The following HDHD5 variants were observed in gnomAD, a reference collection of about 807,000 sequenced individuals.
HDHD5 encodes haloacid dehalogenase like hydrolase domain containing 5.
A neutral mutation model predicts 35.5 loss-of-function variants in HDHD5; 34 were observed. The ratio of observed to expected loss-of-function variants is 0.96; its 90% confidence interval spans 0.73 to 1.28. HDHD5 has a LOEUF of 1.28. HDHD5 is among the 50% of genes most tolerant of loss of function. The pLI, the probability that HDHD5 is intolerant of heterozygous loss-of-function variation, is 0.00. For missense variants in HDHD5, 589 were observed against 560.2 expected (o/e 1.05, Z -0.52); for synonymous variants, 248 against 240.6 (o/e 1.03, Z -0.29).
At chr22:17,143,400 T>C in intron 4 of HDHD5, 1 of 415,050 alleles carries the variant, frequency 2.4e-6, no homozygotes, top group Non-Finnish European at 4.3e-6. Flanking sequence ...CTTTCTCTGG[T>C]GGGAGAGGAC....
At chr22:17,138,883 C>G (rs2061567235) in intron 6 of HDHD5, 145 bp from the exon 7 acceptor site, 1 of 777,724 alleles carries the variant, frequency 1.3e-6, no homozygotes, top group Non-Finnish European at 2.1e-6. Context: ...ACTGTGCAGG[C>G]ACTGGAGGCA....
chr22:17,144,723 AATT>A (rs2061640603), intron 4 of HDHD5, among the ~76,000 whole-genome samples: 1 of 148,766 alleles, frequency 6.7e-6, no homozygotes, highest in African/African-American at 2.5e-5. Context: ...CAATTTTTTA[AATT>A]TTTTTGTAGA....
In HDHD5 at chr22:17,149,670, G is replaced by C. The variant is rs754910177; in HGVS notation, c.202C>G (p.Leu68Val). The change falls in exon 2 of 8, where the codon CTG (leucine) becomes GTG (valine). Residue 68 changes from leucine (L) to valine (V), a missense_variant. Physicochemically the swap from Leu to Val is conservative, Grantham distance 32 (BLOSUM62 1). Coordinates refer to ENST00000336737, the MANE Select transcript of HDHD5 (RefSeq NM_033070.3). ...VRGHRVIPAA[L>V]KAFRRLVNSQ... ...TTCACCAGCCTTCGGAAGGCTTTCA[G>C]AGCAGCAGGGATCACTCTGTGGCCC... The C allele has an allele frequency of 6.2e-7, 1 of 1,614,000 alleles. No homozygotes were observed. The highest frequency in any genetic ancestry group is 2.2e-5 in the East Asian group (1 of 44,886).
chr22:17,150,262 C>G (rs2123867545), intron 1 of HDHD5, among the ~76,000 whole-genome samples: 1 of 152,208 alleles, frequency 6.6e-6, no homozygotes, highest in South Asian at 2.1e-4. Flanking sequence ...TTATGGATTA[C>G]AATAGTCTTT....
upstream of HDHD5, among the ~76,000 whole-genome samples, chr22:17,161,793 G>A (rs148658101): frequency 3.3e-5 from 5 of 151,054 alleles, no homozygotes; most frequent in South Asian, 2.1e-4. Flanking sequence ...TGGGAGGATC[G>A]CTTGAGCTCA....
chr22:17,159,298 C>CG (rs2061842955), upstream of HDHD5: 12 of 1,224,442 alleles, frequency 9.8e-6, no homozygotes, highest in East Asian at 1.1e-4. Context: ...CCCCCCCCCC[C>CG]GCGAGTCCGT....
chr22:17,145,315 G>C (rs2061649510), intron 3 of HDHD5, 198 bp from the exon 4 acceptor site: 1 of 448,318 alleles, frequency 2.2e-6, no homozygotes, highest in Non-Finnish European at 2.9e-6. Flanking sequence ...AGAGTAGAGA[G>C]GGCAGCTCCT....
intron 4 of HDHD5, among the ~76,000 whole-genome samples, chr22:17,144,479 T>C (rs1285443626): frequency 2.0e-5 from 3 of 151,132 alleles, no homozygotes; most frequent in Non-Finnish European, 4.4e-5. Context: ...AATGGTGTGA[T>C]GTCAGCTCAC....
At position 17,143,430 on chromosome 22, in the gene HDHD5, G is replaced by T. The variant is rs981457514; in HGVS notation, c.538-299C>A. 17 of 324,180 alleles carry T rather than the reference G, an allele frequency of 5.2e-5. No homozygotes were observed. In the Admixed American group the frequency reaches 5.3e-4, roughly 10 times the overall value. 20.1% of individuals were successfully genotyped at this position (324,180 alleles called of 1,614,324 possible). On this transcript the variant is annotated intron_variant, in intron 4 of 7. Transcript: ENST00000336737. ...GAGGACACAAGATATAGCCAAGCAA[G>T]AGTCTAAAATCAGGCAGCTAAGGTG...
At chr22:17,150,570 G>A (rs1193913325) in intron 1 of HDHD5, among the ~76,000 whole-genome samples, 1 of 150,244 alleles carries the variant, frequency 6.7e-6, no homozygotes, top group East Asian at 2.0e-4. Flanking sequence ...CGAGACTGGA[G>A]TGCAGCAGCG....
In HDHD5 at chr22:17,138,755, CGCA is replaced by C; in HGVS notation, c.747-20_747-18del. 6.2e-7 allele frequency: 1 copy of C among 1,613,948 alleles called. No individual in the cohort carries two copies. Among genetic ancestry groups the C allele is most frequent in the Non-Finnish European group, 8.5e-7 (1 of 1,179,892 alleles). On this transcript the variant is annotated intron_variant, in intron 6 of 7. Coordinates refer to ENST00000336737, the MANE Select transcript of HDHD5 (RefSeq NM_033070.3). ...TGTCCAAACCTGCCAGAAACGAGCA[CGCA>C]GCAGTTCAGTCTTCCTGATCTCCAG...
intron 3 of HDHD5, among the ~76,000 whole-genome samples, chr22:17,147,792 C>T (rs1167315015): frequency 2.0e-5 from 3 of 151,938 alleles, no homozygotes; most frequent in African/African-American, 7.3e-5. Context: ...GTGACGCCCT[C>T]CTGTGAGCTT....
At chr22:17,141,452 T>A (rs2061600642) in intron 5 of HDHD5, 1 of 1,355,318 alleles carries the variant, frequency 7.4e-7, no homozygotes, top group Non-Finnish European at 9.4e-7. Flanking sequence ...AGGGCTCCCA[T>A]TCTGACTTCA....
chr22:17,158,986 T>A, intron 1 of HDHD5, 140 bp downstream of exon 1: 8 of 757,270 alleles, frequency 1.1e-5, no homozygotes, highest in Non-Finnish European at 1.4e-5. Flanking sequence ...AAGAACGCGA[T>A]GCACTCGGGC....
chr22:17,144,915 G>A (rs1460673839), intron 4 of HDHD5, 109 bp downstream of exon 4: 3 of 1,326,860 alleles, frequency 2.3e-6, no homozygotes, highest in Non-Finnish European at 3.2e-6. Context: ...AAAGAAGCAT[G>A]GACAAATCAC....
At chr22:17,163,552 C>T (rs890141460), upstream of HDHD5, among the ~76,000 whole-genome samples, 5 of 152,326 alleles carry the variant, frequency 3.3e-5, no homozygotes, top group East Asian at 3.9e-4. Flanking sequence ...TCCCTGTTCT[C>T]TATCCCCAGC....
At chr22:17,160,104 C>T (rs185060883), upstream of HDHD5, among the ~76,000 whole-genome samples, 1 of 152,304 alleles carries the variant, frequency 6.6e-6, no homozygotes, top group African/African-American at 2.4e-5. Context: ...GTAGGATGCC[C>T]TCAGATTCTT....
chr22:17,159,803 A>G (rs761663210), upstream of HDHD5: 2 of 282,730 alleles, frequency 7.1e-6, no homozygotes, highest in South Asian at 2.8e-5. Flanking sequence ...CCCCGCGCGC[A>G]CTGCGGAGAG....
In HDHD5 at chr22:17,152,310, T is replaced by C. The variant is rs11913498; in HGVS notation, c.127-2565A>G. On this transcript the variant is annotated intron_variant, in intron 1 of 7. Transcript: ENST00000336737. ...AACTGAAAGACCAGGTGGGACCAAA[T>C]GCAACCCAAGACAGAGAAGATGGAG... Among the ~76,000 whole-genome samples, 420 of 152,094 alleles carry C rather than the reference T, an allele frequency of 2.8e-3. 2 individuals are homozygous for C. Among genetic ancestry groups the C allele is most frequent in the African/African-American group, 9.5e-3 (393 of 41,468 alleles).
Sources: gnomAD v4.1 joint callset for allele counts (sites outside exome capture counted in the v4.1 genomes callset) on GRCh38, gnomAD v4.1.1 for gene constraint, MANE v1.5 for transcripts, NCBI Gene and HGNC (gene_info 2026-07-23, HGNC 2026-07-21) for gene names.